The following GABPA variants were observed in gnomAD, a reference collection of about 807,000 sequenced individuals.
GABPA encodes the protein GA binding protein transcription factor subunit alpha.
A neutral mutation model predicts 59.4 loss-of-function variants in GABPA; 4 were observed. That is an observed-to-expected ratio of 0.07 (90% CI 0.03 to 0.15). The LOEUF (loss-of-function observed/expected upper bound fraction) is 0.15, where lower values mean the gene tolerates loss of function less well. Ranked by LOEUF, GABPA falls within the 10% of genes least tolerant of loss-of-function variation. GABPA has a pLI of 1.00. For synonymous variants in GABPA, 164 were observed against 183.1 expected (o/e 0.90, Z 0.84); for missense variants, 251 against 543.8 (o/e 0.46, Z 5.36).
At chr21:25,753,430 A>G (rs1165391038) in intron 5 of GABPA, among the ~76,000 whole-genome samples, 1 of 152,222 alleles carries the variant, frequency 6.6e-6, no homozygotes, top group Non-Finnish European at 1.5e-5. Context: ...AACTAAAGGC[A>G]TATACACTTG....
At chr21:25,749,227 A>G in intron 4 of GABPA, 107 bp downstream of exon 4, 1 of 656,746 alleles carries the variant, frequency 1.5e-6, no homozygotes, top group Non-Finnish European at 2.7e-6. Context: ...ACTTGATATG[A>G]TATAATAGCC....
At chr21:25,742,954 C>T (rs866530997) in intron 2 of GABPA, among the ~76,000 whole-genome samples, 21 of 150,932 alleles carry the variant, frequency 1.4e-4, no homozygotes, top group Admixed American at 6.6e-5. Context: ...AAAAGCCCAA[C>T]ATTTTTTATT....
At chr21:25,743,262 A>G (rs1439304374) in intron 2 of GABPA, among the ~76,000 whole-genome samples, 2 of 152,194 alleles carry the variant, frequency 1.3e-5, no homozygotes, top group Non-Finnish European at 2.9e-5. Flanking sequence ...AAGTAATCTA[A>G]GAAGTGACAT....
At chr21:25,755,948 C>T (rs148203603) in intron 5 of GABPA, among the ~76,000 whole-genome samples, 4 of 152,208 alleles carry the variant, frequency 2.6e-5, no homozygotes, top group Non-Finnish European at 4.4e-5. Flanking sequence ...TAGTTTTCCC[C>T]TCCTATGCCA....
intron 6 of GABPA, 111 bp downstream of exon 6, chr21:25,758,315 ATAAT>A: frequency 1.3e-6 from 1 of 745,520 alleles, no homozygotes; most frequent in Non-Finnish European, 2.1e-6. Context: ...ATAAGCAATA[ATAAT>A]TAACATTTAT....
chr21:25,766,564 T>G (rs2035895121), intron 9 of GABPA, among the ~76,000 whole-genome samples: 1 of 151,870 alleles, frequency 6.6e-6, no homozygotes, highest in Non-Finnish European at 1.5e-5. Context: ...CTAGAGATTA[T>G]CCAAATGGCC....
intron 9 of GABPA, among the ~76,000 whole-genome samples, chr21:25,765,847 TC>T (rs59631841): frequency 0.12 from 18,737 of 151,648 alleles, 1,290 homozygotes; most frequent in East Asian, 0.3. Context: ...AGATGTCAGT[TC>T]CCCCCCAGAT....
intron 4 of GABPA, among the ~76,000 whole-genome samples, chr21:25,749,657 C>T (rs1357012340): frequency 6.6e-6 from 1 of 152,180 alleles, no homozygotes; most frequent in Non-Finnish European, 1.5e-5. Context: ...CATGGTGCAA[C>T]CCCATCTCTA....
intron 3 of GABPA, 113 bp downstream of exon 3, chr21:25,745,467 T>A: frequency 1.1e-6 from 1 of 887,046 alleles, no homozygotes; most frequent in South Asian, 2.6e-5. Flanking sequence ...AGATTTGACC[T>A]GTATTACTGT....
At chr21:25,763,112 AT>A in intron 7 of GABPA, 1 of 472,458 alleles carries the variant, frequency 2.1e-6, no homozygotes. Context: ...ATCCATCTCC[AT>A]TTTCATGTCA....
intron 5 of GABPA, among the ~76,000 whole-genome samples, chr21:25,753,024 G>A (rs1703248772): frequency 6.6e-6 from 1 of 152,084 alleles, no homozygotes; most frequent in African/African-American, 2.4e-5. Context: ...AACTTCTCAA[G>A]CTTCATCTTG....
chr21:25,742,019 TA>T (rs1341220591), intron 2 of GABPA, among the ~76,000 whole-genome samples: 1 of 152,224 alleles, frequency 6.6e-6, no homozygotes, highest in Non-Finnish European at 1.5e-5. Context: ...TATTTATGAG[TA>T]ACTGTTGTAA....
Position 25,741,598 on chromosome 21 carries a change from C to T in GABPA, c.-1C>T. ...GACTGATCCTTTGAAATACTCCAGC[C>T]ATGACTAAAAGAGAAGCAGAGGAGC... On this transcript the variant is annotated 5_prime_UTR_variant, in exon 2 of 10. Coordinates refer to ENST00000400075, the MANE Select transcript of GABPA (RefSeq NM_002040.4). 6.2e-7 allele frequency: 1 copy of T among 1,606,618 alleles called. No homozygotes were observed. Among genetic ancestry groups the T allele is most frequent in the Non-Finnish European group, 8.5e-7 (1 of 1,174,468 alleles).
chr21:25,758,248 A>C (rs899587415), intron 6 of GABPA, 44 bp downstream of exon 6: 15 of 1,357,452 alleles, frequency 1.1e-5, no homozygotes, highest in Non-Finnish European at 1.5e-5. Context: ...TTTAAGCTTA[A>C]TTTTATTTCC....
chr21:25,763,655 CTTT>C (rs1395089650), intron 7 of GABPA, among the ~76,000 whole-genome samples: 1 of 152,058 alleles, frequency 6.6e-6, no homozygotes, highest in Non-Finnish European at 1.5e-5. Flanking sequence ...TATTTTATAA[CTTT>C]TTTATCATTT....
chr21:25,748,792 G>T (rs1415074813), intron 3 of GABPA, among the ~76,000 whole-genome samples: 1 of 152,162 alleles, frequency 6.6e-6, no homozygotes, highest in Non-Finnish European at 1.5e-5. Flanking sequence ...GACTCCAGAG[G>T]TAGAGAAAAC....
chr21:25,736,209 G>A (rs1178669942), intron 1 of GABPA, among the ~76,000 whole-genome samples: 3 of 152,326 alleles, frequency 2.0e-5, no homozygotes, highest in Admixed American at 2.0e-4. Context: ...ACCCCAGTTT[G>A]ATCAGGTTAG....
chr21:25,745,226 T>C lies in GABPA; in HGVS notation c.94T>C (p.Tyr32His). 6.2e-7 allele frequency: 1 copy of C among 1,613,480 alleles called. No individual in the cohort carries two copies. Among genetic ancestry groups the C allele is most frequent in the South Asian group, 1.1e-5 (1 of 91,008 alleles). The change falls in exon 3 of 10, where the codon TAC becomes CAC. Residue 32 changes from tyrosine (Y) to histidine (H), a missense_variant. Transcript: ENST00000400075. ...CTEESIVEQT[Y>H]APAECVSQAI... ...AACATTTAGCATTGTAGAACAAACCTACGCGCCAGCTGAATGTGTAAGCCA... is the reference window on the plus strand; with the variant it reads ...AACATTTAGCATTGTAGAACAAACCCACGCGCCAGCTGAATGTGTAAGCCA...
intron 5 of GABPA, among the ~76,000 whole-genome samples, chr21:25,754,716 C>A (rs915962797): frequency 3.3e-5 from 5 of 151,950 alleles, no homozygotes; most frequent in African/African-American, 4.8e-5. Context: ...TAACCTTTCC[C>A]AAGTATCTAA....
Sources: allele counts gnomAD v4.1 joint callset (sites outside exome capture counted in the v4.1 genomes callset), GRCh38; gene constraint gnomAD v4.1.1; transcripts MANE v1.5; gene names NCBI Gene and HGNC (gene_info 2026-07-23, HGNC 2026-07-21).